Variants in VPS53 observed in about 807,000 individuals in gnomAD.
The protein encoded by VPS53 is vacuolar protein sorting-associated protein 53 homolog.
VPS53 carries 70 observed loss-of-function variants against 107.0 expected under a neutral mutation model. The observed-to-expected ratio is 0.65, with a 90% CI of 0.54 to 0.80. The LOEUF (loss-of-function observed/expected upper bound fraction) is 0.80. Among genes scored for constraint, VPS53 ranks in the 30% least tolerant of loss-of-function variants. VPS53 has a pLI of 0.00. For synonymous variants in VPS53, 409 were observed against 393.3 expected, an observed-to-expected ratio of 1.04 and a Z score of -0.47; for missense variants, 917 against 1,049.4, an observed-to-expected ratio of 0.87 and a Z score of 1.74.
intron 1 of VPS53, among the ~76,000 whole-genome samples, chr17:712,707 T>G (rs1304957059): frequency 6.6e-6 from 1 of 152,190 alleles, no homozygotes; most frequent in Non-Finnish European, 1.5e-5. Context: ...TCAAACTTAT[T>G]CTTACAAAAT....
rs750087790 is a variant in VPS53 at position 714,726 on chromosome 17, C to G, written c.-17G>C. 4.3e-6 allele frequency: 7 copies of G among 1,612,844 alleles called. No homozygotes were observed. The Admixed American group carries it at 1.0e-4, about 23-fold the overall frequency. On this transcript the variant is annotated 5_prime_UTR_variant, in exon 1 of 22. Coordinates refer to ENST00000437048, the MANE Select transcript of VPS53 (RefSeq NM_001128159.3). ...CTCCATCATTCCGCCACCCGGCCCCCTGCCGACCCCCGCCGCGAGCCCAAC... is the reference window on the plus strand; with the variant it reads ...CTCCATCATTCCGCCACCCGGCCCCGTGCCGACCCCCGCCGCGAGCCCAAC...
chr17:619,024 G>GTGT (rs1969313741), intron 11 of VPS53, among the ~76,000 whole-genome samples: 1 of 120,870 alleles, frequency 8.3e-6, no homozygotes, highest in African/African-American at 2.8e-5. Flanking sequence ...TGGGACTACA[G>GTGT]GCGCACACCA....
In VPS53 at chr17:661,813, T is replaced by C; in HGVS notation, c.368A>G (p.Gln123Arg). ...TAGGAAGAAACCAGAACTCACCATTTGCTCTGATTTTTCAGCTTTGTCTTT... is the reference window on the plus strand; with the variant it reads ...TAGGAAGAAACCAGAACTCACCATTCGCTCTGATTTTTCAGCTTTGTCTTT... ...DIKDKAEKSEQMVKEITRDIK... is the reference protein window; with the variant it reads ...DIKDKAEKSERMVKEITRDIK... The change falls in exon 5 of 22, where the codon CAA becomes CGA. Residue 123 changes from glutamine to arginine, a missense_variant. Coordinates refer to ENST00000437048, the MANE Select transcript of VPS53 (RefSeq NM_001128159.3). 6.4e-7 allele frequency: 1 copy of C among 1,552,226 alleles called. No homozygotes were observed. Among genetic ancestry groups the C allele is most frequent in the Non-Finnish European group, 8.7e-7 (1 of 1,147,052 alleles).
At chr17:633,623 C>T (rs758580898) in intron 7 of VPS53, among the ~76,000 whole-genome samples, 3 of 152,110 alleles carry the variant, frequency 2.0e-5, no homozygotes, top group Non-Finnish European at 4.4e-5. Flanking sequence ...TTTCCAGTAT[C>T]TTCAAAACTT....
intron 1 of VPS53, among the ~76,000 whole-genome samples, chr17:713,572 G>A (rs1041062102): frequency 2.0e-5 from 3 of 152,074 alleles, no homozygotes; most frequent in Non-Finnish European, 2.9e-5. Context: ...AGAATCACTT[G>A]AACCTGGAAG....
rs1055869102 is a variant in VPS53, at chr17:517,253, C to T, written c.*1875G>A. The T allele has an allele frequency of 2.6e-6, 1 of 390,686 alleles. No individual in the cohort carries two copies. The allele number at this position is 390,686 out of a possible 1,614,324, so 24.2% of individuals were successfully genotyped here. ...CTCCTTCTCGCAACACTTCTTTTCT[C>T]CTCCGCATTCTCAAATTTGAGACGC... is the stretch of plus-strand genomic sequence containing the variant. On this transcript the variant is annotated 3_prime_UTR_variant, in exon 22 of 22. Transcript: ENST00000437048.
At chr17:604,384 G>C (rs1475948792) in intron 11 of VPS53, among the ~76,000 whole-genome samples, 1 of 152,200 alleles carries the variant, frequency 6.6e-6, no homozygotes, top group Non-Finnish European at 1.5e-5. Flanking sequence ...AAAACGCAGA[G>C]GGTAGGAAGA....
At chr17:616,184 A>T (rs1467603160) in intron 11 of VPS53, 1 of 152,238 alleles carries the variant, frequency 6.6e-6, no homozygotes, top group East Asian at 1.9e-4. Context: ...CATTTTCAGG[A>T]TTTGGAATGC....
chr17:661,146 G>A (rs1971419716), intron 5 of VPS53, among the ~76,000 whole-genome samples: 1 of 151,830 alleles, frequency 6.6e-6, no homozygotes, highest in Non-Finnish European at 1.5e-5. Context: ...TCTCGATGGA[G>A]AAATGCATGA....
rs1908412615 is a variant in VPS53, at chr17:517,729, C to T, written c.*1399G>A. The stretch of plus-strand genomic sequence containing the variant: ...TGAGACAGGGTTTCGCCATGTTGGG[C>T]AGGCTGGTCTCGAATTCCTGACCTC... On this transcript the variant is annotated 3_prime_UTR_variant, in exon 22 of 22. Coordinates refer to ENST00000437048, the MANE Select transcript of VPS53 (RefSeq NM_001128159.3). 4.0e-6 allele frequency: 1 copy of T among 249,916 alleles called. No individual in the cohort carries two copies. Among genetic ancestry groups the T allele is most frequent in the South Asian group, 1.8e-4 (1 of 5,626 alleles). 15.5% of individuals were successfully genotyped at this position (249,916 alleles called of 1,614,324 possible).
intron 4 of VPS53, among the ~76,000 whole-genome samples, chr17:686,615 G>T (rs919839057): frequency 1.3e-5 from 2 of 152,204 alleles, no homozygotes; most frequent in Non-Finnish European, 1.5e-5. Context: ...GCTGAAGGCA[G>T]TAAGGGGCCT....
rs528401735 is a variant in VPS53 at position 599,791 on chromosome 17, T to A, written c.1218+2004A>T. ...AAAAAAAAAACAAAAACAAAATGAC[T>A]TGCGATAAAACTGCTCTGATCGCAG... is the stretch of plus-strand genomic sequence containing the variant. On this transcript the variant is annotated intron_variant, in intron 12 of 21. Transcript: ENST00000437048. Among the ~76,000 whole-genome samples, 11 of 151,474 alleles carry A rather than the reference T, an allele frequency of 7.3e-5. No individual in the cohort carries two copies. The South Asian group carries it at 2.1e-3, about 29-fold the overall frequency.
chr17:576,047 C>T lies in VPS53; in HGVS notation c.1313+10223G>A, dbSNP rs552977305. ...AGAAAACCTCCCTCACAACCTAACG[C>T]GTTCTCAGAGAACTTCACTCAGGAC... On this transcript the variant is annotated intron_variant, in intron 13 of 21. Transcript: ENST00000437048. Among the ~76,000 whole-genome samples the T allele has an allele frequency of 4.0e-5, 6 of 150,800 alleles. No individual in the cohort carries two copies. The South Asian group carries it at 1.3e-3, about 32-fold the overall frequency.
chr17:553,379 C>A lies in VPS53; in HGVS notation c.1787+1G>T. 3 of 1,613,974 alleles carry A rather than the reference C, an allele frequency of 1.9e-6. No individual in the cohort carries two copies. Among genetic ancestry groups the A allele is most frequent in the Middle Eastern group, 1.6e-4 (1 of 6,062 alleles). ...CCAGTAAGTGTGTGCAGGGTACATA[C>A]GTGCTGAACGTGTCCATCTCTCCAG... On this transcript the variant is annotated splice_donor_variant, in intron 16 of 21. Transcript: ENST00000437048. LOFTEE classifies it high-confidence loss of function.
chr17:572,524 C>T (rs1389564129), intron 13 of VPS53, among the ~76,000 whole-genome samples: 3 of 151,918 alleles, frequency 2.0e-5, no homozygotes, highest in Admixed American at 1.3e-4. Flanking sequence ...GCGTCTGGGA[C>T]GTGTGCCCAA....
chr17:686,058 C>T (rs1972574748), intron 4 of VPS53, among the ~76,000 whole-genome samples: 1 of 151,190 alleles, frequency 6.6e-6, no homozygotes, highest in African/African-American at 2.4e-5. Flanking sequence ...GTGGCTCATG[C>T]CTGTAATTCC....
Position 710,565 on chromosome 17 carries a change from C to T in VPS53, c.136G>A (p.Glu46Lys). ...PLDRADFNAV[E>K]YINTLFPTEQ... is the part of the protein sequence containing the mutation. ...GTTGGGAACAGGGTATTGATATACT[C>T]AACAGCATTGAAATCTGCTCGATCT... The change falls in exon 2 of 22, where the codon GAG (glutamate) becomes AAG (lysine). Residue 46 changes from glutamate to lysine, a missense_variant. Glu to Lys is a moderately conservative substitution (Grantham distance 56, BLOSUM62 1). Coordinates refer to ENST00000437048, the MANE Select transcript of VPS53 (RefSeq NM_001128159.3). The T allele has an allele frequency of 6.2e-7, 1 of 1,614,020 alleles. No homozygotes were observed. Among genetic ancestry groups the T allele is most frequent in the Non-Finnish European group, 8.5e-7 (1 of 1,179,976 alleles).
Position 513,114 on chromosome 17 carries a change from G to A in VPS53, c.*6014C>T, listed in dbSNP as rs1385421592. On this transcript the variant is annotated 3_prime_UTR_variant, in exon 22 of 22. Transcript: ENST00000437048. ...CGCGTTGCTTCCTTAGACTGTCAGGGAAGGGAGAAGGGCAGCCACCAGGAG... is the reference window on the plus strand; with the variant it reads ...CGCGTTGCTTCCTTAGACTGTCAGGAAAGGGAGAAGGGCAGCCACCAGGAG... 2 of 152,292 alleles carry A rather than the reference G, an allele frequency of 1.3e-5. No individual in the cohort carries two copies. The highest frequency in any genetic ancestry group is 2.9e-5 in the Non-Finnish European group (2 of 68,086). 9.4% of individuals were successfully genotyped at this position (152,292 alleles called of 1,614,324 possible).
intron 11 of VPS53, among the ~76,000 whole-genome samples, chr17:606,668 T>A (rs1968596640): frequency 6.6e-6 from 1 of 152,148 alleles, no homozygotes; most frequent in East Asian, 1.9e-4. Flanking sequence ...GCAACCAGGC[T>A]GCATATCACG....
Sources: gnomAD v4.1 joint callset for allele counts (sites outside exome capture counted in the v4.1 genomes callset) on GRCh38, gnomAD v4.1.1 for gene constraint, MANE v1.5 for transcripts, NCBI Gene and HGNC (gene_info 2026-07-23, HGNC 2026-07-21) for gene names.